ZBTB20: variants seen among roughly 807,000 people sequenced by gnomAD.
ZBTB20 encodes zinc finger and BTB domain-containing protein 20.
Under a neutral mutation model 56.9 loss-of-function variants are expected in ZBTB20, and 9 were observed. The observed-to-expected ratio is 0.16, with a 90% confidence interval of 0.10 to 0.28. The LOEUF is 0.28. Among genes scored for constraint, ZBTB20 ranks in the 10% least tolerant of loss-of-function variants. ZBTB20 has a pLI of 1.00. For missense variants in ZBTB20, 655 were observed against 1,003.0 expected (o/e 0.65, Z 4.69); for synonymous variants, 417 against 420.7 (o/e 0.99, Z 0.11).
chr3:114,472,716 A>C (rs1450962025), intron 7 of ZBTB20, among the ~76,000 whole-genome samples: 1 of 150,210 alleles, frequency 6.7e-6, no homozygotes, highest in Non-Finnish European at 1.5e-5. Flanking sequence ...CTCAGAAGAA[A>C]AAAAAAAAAG....
intron 4 of ZBTB20, among the ~76,000 whole-genome samples, chr3:114,810,465 C>G (rs932860557): frequency 6.6e-6 from 1 of 152,130 alleles, no homozygotes; most frequent in African/African-American, 2.4e-5. Flanking sequence ...TCGAATCACC[C>G]CCTTTCAGCA....
At chr3:114,474,328 T>C (rs2040494524) in intron 7 of ZBTB20, among the ~76,000 whole-genome samples, 1 of 152,220 alleles carries the variant, frequency 6.6e-6, no homozygotes, top group Non-Finnish European at 1.5e-5. Flanking sequence ...AGAATCTATT[T>C]TGTGTGTTTG....
At chr3:114,363,088 A>T (rs552013380) in intron 10 of ZBTB20, among the ~76,000 whole-genome samples, 2 of 152,324 alleles carry the variant, frequency 1.3e-5, no homozygotes, top group South Asian at 4.1e-4. Flanking sequence ...TACTGGGGAT[A>T]AATTTATTGC....
At chr3:114,467,741 A>C (rs1352795449) in intron 7 of ZBTB20, among the ~76,000 whole-genome samples, 1 of 152,252 alleles carries the variant, frequency 6.6e-6, no homozygotes. Flanking sequence ...AGCAAGATCC[A>C]AACTTTATGG....
chr3:114,808,006 A>T (rs2072244067), intron 4 of ZBTB20, among the ~76,000 whole-genome samples: 1 of 152,116 alleles, frequency 6.6e-6, no homozygotes, highest in Non-Finnish European at 1.5e-5. Flanking sequence ...TGTACAAATA[A>T]TTGAAAGATG....
chr3:114,392,388 C>T (rs1030543454), intron 7 of ZBTB20, among the ~76,000 whole-genome samples: 1 of 151,966 alleles, frequency 6.6e-6, no homozygotes, highest in East Asian at 1.9e-4. Context: ...TCTCATGTAC[C>T]CCAGAAATAT....
chr3:115,044,675 A>G (rs2081273888), intron 2 of ZBTB20, among the ~76,000 whole-genome samples: 1 of 152,224 alleles, frequency 6.6e-6, no homozygotes, highest in Non-Finnish European at 1.5e-5. Context: ...CACCAATTAA[A>G]TCATATTTGG....
chr3:114,676,521 G>T (rs1404047174), intron 6 of ZBTB20, among the ~76,000 whole-genome samples: 1 of 151,970 alleles, frequency 6.6e-6, no homozygotes, highest in Non-Finnish European at 1.5e-5. Context: ...GAAAAATTGT[G>T]AATATGAATC....
intron 6 of ZBTB20, among the ~76,000 whole-genome samples, chr3:114,662,061 C>G (rs527538591): frequency 3.5e-4 from 45 of 127,054 alleles, no homozygotes; most frequent in African/African-American, 1.2e-3. Context: ...CCCCTCCCCC[C>G]ACCCCACCAC....
rs982530862 is a variant in ZBTB20 at position 114,333,936 on chromosome 3, T to G, written c.*5069A>C. 3 of 152,216 alleles carry G rather than the reference T, an allele frequency of 2.0e-5. No individual in the cohort carries two copies. The highest frequency in any genetic ancestry group is 4.4e-5 in the Non-Finnish European group (3 of 68,036). The allele number at this position is 152,216 out of a possible 1,614,324, so 9.4% of individuals were successfully genotyped here. On this transcript the variant is annotated 3_prime_UTR_variant, in exon 12 of 12. Coordinates refer to ENST00000675478, the MANE Select transcript of ZBTB20 (RefSeq NM_001348800.3). Reference sequence around the variant, plus strand: ...CCCTAGAGCTTCCATTACCCTGGACTTCAACTCATTACCAAATTAAAGAAT... The same window carrying G: ...CCCTAGAGCTTCCATTACCCTGGACGTCAACTCATTACCAAATTAAAGAAT...
At chr3:114,924,964 T>C (rs2076096098) in intron 3 of ZBTB20, among the ~76,000 whole-genome samples, 2 of 150,708 alleles carry the variant, frequency 1.3e-5, no homozygotes, top group South Asian at 4.2e-4. Flanking sequence ...TGTTTTAAAA[T>C]TCCCATTTGG....
At chr3:115,078,181 T>C (rs557312880) in intron 1 of ZBTB20, among the ~76,000 whole-genome samples, 1 of 152,332 alleles carries the variant, frequency 6.6e-6, no homozygotes, top group Non-Finnish European at 1.5e-5. Flanking sequence ...ATAGAGACAA[T>C]TCATATAACT....
intron 3 of ZBTB20, among the ~76,000 whole-genome samples, chr3:114,947,050 TA>T (rs1196251822): frequency 1.9e-4 from 26 of 136,210 alleles, no homozygotes; most frequent in East Asian, 1.6e-3. Context: ...AAGAAACATA[TA>T]AAAAAAAAAG....
intron 2 of ZBTB20, among the ~76,000 whole-genome samples, chr3:115,010,533 T>C (rs144226959): frequency 5.3e-5 from 8 of 152,092 alleles, no homozygotes; most frequent in African/African-American, 1.9e-4. Flanking sequence ...TCCCAGATCT[T>C]AGCCAAGACC....
intron 4 of ZBTB20, among the ~76,000 whole-genome samples, chr3:114,885,497 G>T (rs2076569201): frequency 6.6e-6 from 1 of 151,990 alleles, no homozygotes; most frequent in South Asian, 2.1e-4. Flanking sequence ...CAACTGAATT[G>T]TAATTATTTA....
chr3:114,776,225 C>T (rs573871836), intron 5 of ZBTB20, among the ~76,000 whole-genome samples: 4 of 149,870 alleles, frequency 2.7e-5, no homozygotes, highest in East Asian at 2.0e-4. Context: ...AATGTGTCCA[C>T]GTTCTAACTC....
chr3:114,535,091 A>T (rs1163469040), intron 6 of ZBTB20, among the ~76,000 whole-genome samples: 1 of 152,240 alleles, frequency 6.6e-6, no homozygotes, highest in Non-Finnish European at 1.5e-5. Flanking sequence ...CTAGAGAAGC[A>T]AGAGCACACA....
chr3:114,426,057 C>T lies in ZBTB20; in HGVS notation c.-254-36952G>A, dbSNP rs907930105. Among the ~76,000 whole-genome samples, 7 of 152,228 alleles carry T rather than the reference C, an allele frequency of 4.6e-5. No individual in the cohort carries two copies. The South Asian group carries it at 8.3e-4, about 18-fold the overall frequency. The stretch of plus-strand genomic sequence containing the variant: ...AGGATATGAAAATTGCCTCCTCAGC[C>T]GGGTGCGGTGGCTCACGCCTGTAAT... On this transcript the variant is annotated intron_variant, in intron 7 of 11. Transcript: ENST00000675478.
chr3:115,080,818 A>G (rs2082770493), intron 1 of ZBTB20, among the ~76,000 whole-genome samples: 1 of 152,216 alleles, frequency 6.6e-6, no homozygotes, highest in African/African-American at 2.4e-5. Flanking sequence ...GTTCACTTGG[A>G]ATAACAAGTA....
Sources: allele counts gnomAD v4.1 joint callset (sites outside exome capture counted in the v4.1 genomes callset), GRCh38; gene constraint gnomAD v4.1.1; transcripts MANE v1.5; gene names NCBI Gene and HGNC (gene_info 2026-07-23, HGNC 2026-07-21).